HS6ST3: variants seen among roughly 807,000 people sequenced by gnomAD.
HS6ST3 encodes the protein heparan-sulfate 6-O-sulfotransferase 3.
HS6ST3 carries 12 observed loss-of-function variants against 36.7 expected under a neutral mutation model. The observed-to-expected ratio is 0.33, with a 90% CI of 0.21 to 0.53. The LOEUF (loss-of-function observed/expected upper bound fraction) is 0.53. Ranked by LOEUF, HS6ST3 falls within the 20% of genes least tolerant of loss-of-function variation. The probability of loss-of-function intolerance (pLI) is 0.95; values close to 1 mark genes in which losing one functional copy is unlikely to be tolerated. For synonymous variants in HS6ST3, 240 were observed against 257.5 expected (o/e 0.93, Z 0.65); for missense variants, 584 against 640.9 (o/e 0.91, Z 0.96).
intron 1 of HS6ST3, among the ~76,000 whole-genome samples, chr13:96,444,535 T>A (rs2055689153): frequency 6.6e-6 from 1 of 152,196 alleles, no homozygotes; most frequent in Non-Finnish European, 1.5e-5. Context: ...ATTTAATCAG[T>A]CTTAATTTCT....
intron 1 of HS6ST3, among the ~76,000 whole-genome samples, chr13:96,161,680 C>A (rs940132674): frequency 1.3e-5 from 2 of 152,120 alleles, no homozygotes; most frequent in Admixed American, 1.3e-4. Flanking sequence ...CCTTCCCACA[C>A]AAAACTCAGA....
chr13:96,335,265 G>A (rs2055094879), intron 1 of HS6ST3, among the ~76,000 whole-genome samples: 1 of 152,194 alleles, frequency 6.6e-6, no homozygotes, highest in East Asian at 1.9e-4. Context: ...AACTCTTGCA[G>A]GTTAAAAGAA....
intron 1 of HS6ST3, among the ~76,000 whole-genome samples, chr13:96,774,356 C>T (rs1877340351): frequency 1.3e-5 from 2 of 152,080 alleles, no homozygotes; most frequent in Admixed American, 1.3e-4. Context: ...AAGTAGGCTT[C>T]AGAAGGTGGG....
chr13:96,728,421 A>G lies in HS6ST3; in HGVS notation c.708-104069A>G, dbSNP rs551876325. Among the ~76,000 whole-genome samples the G allele has an allele frequency of 4.6e-5, 7 of 152,302 alleles. No individual in the cohort carries two copies. In the South Asian group the frequency reaches 1.5e-3, roughly 32 times the overall value. On this transcript the variant is annotated intron_variant, in intron 1 of 1. Coordinates refer to ENST00000376705, the MANE Select transcript of HS6ST3 (RefSeq NM_153456.4). The stretch of plus-strand genomic sequence containing the variant: ...TCCCTAAAATATGGATGAGAGAGAG[A>G]TACTCTACAGTTGAGATTAAACATA...
chr13:96,325,138 T>G (rs35092596), intron 1 of HS6ST3, among the ~76,000 whole-genome samples: 54,649 of 152,024 alleles, frequency 0.36, 10,088 homozygotes, highest in African/African-American at 0.42. Context: ...TTCCACTTTT[T>G]ATATGCATAA....
chr13:96,714,722 A>T (rs1455223093), intron 1 of HS6ST3, among the ~76,000 whole-genome samples: 1 of 152,154 alleles, frequency 6.6e-6, no homozygotes, highest in East Asian at 1.9e-4. Flanking sequence ...TTTTTAAAAA[A>T]GGGTCTTGCT....
intron 1 of HS6ST3, among the ~76,000 whole-genome samples, chr13:96,150,192 C>T (rs1339019979): frequency 6.6e-6 from 1 of 152,020 alleles, no homozygotes; most frequent in Non-Finnish European, 1.5e-5. Flanking sequence ...AAGAGGGGAC[C>T]CTGAAAGCTG....
intron 1 of HS6ST3, among the ~76,000 whole-genome samples, chr13:96,777,504 A>C (rs1877418369): frequency 6.6e-6 from 1 of 152,216 alleles, no homozygotes; most frequent in African/African-American, 2.4e-5. Context: ...ATCAATGTAC[A>C]AAAATCACAA....
intron 1 of HS6ST3, among the ~76,000 whole-genome samples, chr13:96,134,693 T>C (rs917741919): frequency 1.3e-5 from 2 of 152,194 alleles, no homozygotes; most frequent in African/African-American, 4.8e-5. Flanking sequence ...ACAAGGACAT[T>C]CTTGCCTCTG....
chr13:96,366,925 T>C lies in HS6ST3; in HGVS notation c.707+275356T>C, dbSNP rs113144280. On this transcript the variant is annotated intron_variant, in intron 1 of 1. Coordinates refer to ENST00000376705, the MANE Select transcript of HS6ST3 (RefSeq NM_153456.4). ...TAAAGGGGATTTCCCCTGCATATGCTCTCTTGCCTCCCACCATGTAAGATG... is the reference window on the plus strand; with the variant it reads ...TAAAGGGGATTTCCCCTGCATATGCCCTCTTGCCTCCCACCATGTAAGATG... Among the ~76,000 whole-genome samples the C allele has an allele frequency of 5.5e-3, 841 of 152,292 alleles. 8 individuals carry two copies. The highest frequency in any genetic ancestry group is 0.019 in the African/African-American group (782 of 41,566).
At chr13:96,785,294 T>C (rs1335314245) in intron 1 of HS6ST3, among the ~76,000 whole-genome samples, 1 of 152,078 alleles carries the variant, frequency 6.6e-6, no homozygotes, top group Non-Finnish European at 1.5e-5. Flanking sequence ...TGAGAAAGGG[T>C]GTGCCTTTGA....
At chr13:96,808,662 G>A (rs1405996525) in intron 1 of HS6ST3, among the ~76,000 whole-genome samples, 1 of 152,174 alleles carries the variant, frequency 6.6e-6, no homozygotes, top group Non-Finnish European at 1.5e-5. Context: ...TTGAGAAAAT[G>A]CAGAAGTGAA....
At chr13:96,621,763 C>T (rs970347219) in intron 1 of HS6ST3, among the ~76,000 whole-genome samples, 1 of 152,064 alleles carries the variant, frequency 6.6e-6, no homozygotes, top group African/African-American at 2.4e-5. Flanking sequence ...TTTGCCTTAC[C>T]TCATCTCCTG....
intron 1 of HS6ST3, among the ~76,000 whole-genome samples, chr13:96,102,806 C>A (rs951398842): frequency 1.1e-4 from 17 of 152,106 alleles, no homozygotes; most frequent in Non-Finnish European, 1.9e-4. Flanking sequence ...GCAAGCAAGT[C>A]ATGAATTACT....
At chr13:96,811,335 C>T (rs1878313169) in intron 1 of HS6ST3, among the ~76,000 whole-genome samples, 1 of 152,078 alleles carries the variant, frequency 6.6e-6, no homozygotes, top group Non-Finnish European at 1.5e-5. Context: ...ATGATTTGGG[C>T]CCTGTTCCTA....
intron 1 of HS6ST3, among the ~76,000 whole-genome samples, chr13:96,632,512 T>C (rs2056535615): frequency 6.6e-6 from 1 of 152,184 alleles, no homozygotes; most frequent in Non-Finnish European, 1.5e-5. Flanking sequence ...AAAACATTGT[T>C]TGCTTTCTGC....
chr13:96,306,106 C>CTT lies in HS6ST3; in HGVS notation c.707+214552_707+214553dup, dbSNP rs5805960. Among the ~76,000 whole-genome samples, 397 of 130,270 alleles carry CTT rather than the reference C, an allele frequency of 3.0e-3. 2 individuals are homozygous for CTT. Among genetic ancestry groups the CTT allele is most frequent in the Middle Eastern group, 0.019 (5 of 264 alleles). The allele number at this position is 130,270 out of a possible 152,430, so 85.5% of individuals were successfully genotyped here. On this transcript the variant is annotated intron_variant, in intron 1 of 1. Coordinates refer to ENST00000376705, the MANE Select transcript of HS6ST3 (RefSeq NM_153456.4). ...ACCACCATGCCCAGCTTTTCTTTTT[C>CTT]TTTTTTTTTTTTTTTTAAGACAGAG...
intron 1 of HS6ST3, among the ~76,000 whole-genome samples, chr13:96,569,511 T>G (rs2056293578): frequency 6.6e-6 from 1 of 152,118 alleles, no homozygotes; most frequent in Admixed American, 6.5e-5. Flanking sequence ...GAAAATACTT[T>G]CCCATGAGGT....
At chr13:96,104,307 A>T (rs1429391965) in intron 1 of HS6ST3, among the ~76,000 whole-genome samples, 1 of 152,182 alleles carries the variant, frequency 6.6e-6, no homozygotes, top group African/African-American at 2.4e-5. Context: ...GCTGATTTTC[A>T]TATGTGAAGC....
Sources: gnomAD v4.1 joint callset for allele counts (sites outside exome capture counted in the v4.1 genomes callset) on GRCh38, gnomAD v4.1.1 for gene constraint, MANE v1.5 for transcripts, NCBI Gene and HGNC (gene_info 2026-07-23, HGNC 2026-07-21) for gene names.